Variants in GRIN2A observed in about 807,000 individuals in gnomAD.
The protein encoded by GRIN2A is glutamate ionotropic receptor NMDA type subunit 2A.
GRIN2A carries 22 observed loss-of-function variants against 113.4 expected under a neutral mutation model. The ratio of observed to expected loss-of-function variants is 0.19; its 90% confidence interval spans 0.14 to 0.28. The LOEUF (loss-of-function observed/expected upper bound fraction) is 0.28, where lower values mean the gene tolerates loss of function less well. Among genes scored for constraint, GRIN2A ranks in the 10% least tolerant of loss-of-function variants. The probability of loss-of-function intolerance (pLI) is 1.00; values close to 1 mark genes in which losing one functional copy is unlikely to be tolerated. For synonymous variants in GRIN2A, 827 were observed against 738.4 expected (o/e 1.12, Z -1.94); for missense variants, 1,502 against 1,887.0 (o/e 0.80, Z 3.78).
intron 4 of GRIN2A, among the ~76,000 whole-genome samples, chr16:9,884,842 T>G (rs1415012415): frequency 6.7e-6 from 1 of 150,362 alleles, no homozygotes; most frequent in Non-Finnish European, 1.5e-5. Flanking sequence ...CTCCGCCTCC[T>G]GGGTTCACGC....
chr16:10,029,921 C>A (rs1194316170), intron 2 of GRIN2A, among the ~76,000 whole-genome samples: 1 of 152,048 alleles, frequency 6.6e-6, no homozygotes, highest in African/African-American at 2.4e-5. Context: ...TGCTTGAACC[C>A]GGGAGGCAGA....
chr16:10,145,765 G>T, intron 2 of GRIN2A, among the ~76,000 whole-genome samples: 1 of 152,166 alleles, frequency 6.6e-6, no homozygotes, highest in East Asian at 1.9e-4. Context: ...GCTTAACTCC[G>T]CTGTTGTAAT....
chr16:10,043,296 G>A (rs2047198096), intron 2 of GRIN2A, among the ~76,000 whole-genome samples: 1 of 152,276 alleles, frequency 6.6e-6, no homozygotes, highest in South Asian at 2.1e-4. Flanking sequence ...ATTCAGTACA[G>A]GCCTTTGAAC....
intron 2 of GRIN2A, among the ~76,000 whole-genome samples, chr16:10,085,471 T>A (rs1383179156): frequency 6.6e-6 from 1 of 152,204 alleles, no homozygotes; most frequent in Non-Finnish European, 1.5e-5. Flanking sequence ...TGGCCCCATG[T>A]GTCAAAAGGT....
chr16:9,976,696 C>A (rs565467674), intron 2 of GRIN2A, among the ~76,000 whole-genome samples: 2 of 152,304 alleles, frequency 1.3e-5, no homozygotes, highest in East Asian at 1.9e-4. Context: ...AGCCGGCACT[C>A]TAATTCCAGT....
At chr16:9,902,004 A>G (rs2043937970) in intron 3 of GRIN2A, among the ~76,000 whole-genome samples, 1 of 152,114 alleles carries the variant, frequency 6.6e-6, no homozygotes, top group African/African-American at 2.4e-5. Flanking sequence ...ATTCTCACCC[A>G]AAGAACTAAG....
intron 2 of GRIN2A, among the ~76,000 whole-genome samples, chr16:10,043,912 T>TAC (rs1249479402): frequency 6.6e-6 from 1 of 151,360 alleles, no homozygotes; most frequent in Non-Finnish European, 1.5e-5. Flanking sequence ...CACATATATA[T>TAC]ACACGTATAA....
intron 8 of GRIN2A, among the ~76,000 whole-genome samples, chr16:9,832,907 A>G (rs957447401): frequency 1.3e-5 from 2 of 152,244 alleles, no homozygotes; most frequent in African/African-American, 2.4e-5. Flanking sequence ...AAAGATTTCA[A>G]TAAAACTAGG....
At chr16:10,145,278 C>T (rs2049416444) in intron 2 of GRIN2A, among the ~76,000 whole-genome samples, 2 of 152,152 alleles carry the variant, frequency 1.3e-5, no homozygotes, top group Admixed American at 1.3e-4. Context: ...AGTTAACAAA[C>T]TGTATTCTGC....
At chr16:10,167,781 A>C (rs1306416872) in intron 2 of GRIN2A, among the ~76,000 whole-genome samples, 1 of 152,220 alleles carries the variant, frequency 6.6e-6, no homozygotes, top group African/African-American at 2.4e-5. Context: ...AAAGTTCCAA[A>C]ATTTGAACAG....
rs35146827 is a variant in GRIN2A at position 9,839,376 on chromosome 16, T to TAA, written c.1651+1269_1651+1270dup. Among the ~76,000 whole-genome samples the TAA allele has an allele frequency of 1.7e-4, 25 of 145,056 alleles. No homozygotes were observed. The East Asian group carries it at 1.8e-3, about 10-fold the overall frequency. On this transcript the variant is annotated intron_variant, in intron 7 of 12. Transcript: ENST00000330684. ...TAGAAAACATAGCTCTTCCTTGATTTAAAAAAAAAAAACACCTTTTATGTA... is the reference window on the plus strand; with the variant it reads ...TAGAAAACATAGCTCTTCCTTGATTTAAAAAAAAAAAAAACACCTTTTATGTA...
At chr16:9,940,770 C>G (rs1286218057) in intron 2 of GRIN2A, among the ~76,000 whole-genome samples, 2 of 152,162 alleles carry the variant, frequency 1.3e-5, no homozygotes, top group Non-Finnish European at 2.9e-5. Flanking sequence ...CCCAACCATC[C>G]AATACCCAAC....
intron 2 of GRIN2A, among the ~76,000 whole-genome samples, chr16:10,151,406 G>T (rs2049568393): frequency 6.6e-6 from 1 of 152,172 alleles, no homozygotes; most frequent in Non-Finnish European, 1.5e-5. Context: ...GTAACAACTT[G>T]CACCAAGGCA....
intron 2 of GRIN2A, among the ~76,000 whole-genome samples, chr16:10,081,231 G>C (rs1266900958): frequency 6.6e-6 from 1 of 152,224 alleles, no homozygotes; most frequent in African/African-American, 2.4e-5. Context: ...CAGCCAGCTA[G>C]GATGGAGTGG....
chr16:10,007,586 C>A (rs998200541), intron 2 of GRIN2A, among the ~76,000 whole-genome samples: 1 of 152,154 alleles, frequency 6.6e-6, no homozygotes, highest in African/African-American at 2.4e-5. Context: ...TGGGTTGTCT[C>A]TTCGCTTTCT....
chr16:10,114,883 G>C (rs1029570955), intron 2 of GRIN2A, among the ~76,000 whole-genome samples: 1 of 152,186 alleles, frequency 6.6e-6, no homozygotes, highest in Non-Finnish European at 1.5e-5. Context: ...TTTTTGTTTA[G>C]ATATTTTCTA....
chr16:10,031,497 C>T (rs187761560), intron 2 of GRIN2A: 2 of 152,382 alleles, frequency 1.3e-5, no homozygotes, highest in African/African-American at 2.4e-5. Context: ...TATACAGAAA[C>T]GTCATCTCTC....
chr16:9,848,440 T>C (rs759472141), intron 5 of GRIN2A, among the ~76,000 whole-genome samples: 50 of 150,936 alleles, frequency 3.3e-4, no homozygotes, highest in Non-Finnish European at 6.2e-4. Flanking sequence ...GGTCTTCAAC[T>C]CCTGACCTCA....
chr16:9,850,831 G>C (rs921821579), intron 4 of GRIN2A, among the ~76,000 whole-genome samples: 5 of 152,134 alleles, frequency 3.3e-5, no homozygotes, highest in African/African-American at 4.8e-5. Flanking sequence ...CAAATTGAAG[G>C]CTGTATATTT....
Sources: gnomAD v4.1 joint callset for allele counts (sites outside exome capture counted in the v4.1 genomes callset) on GRCh38, gnomAD v4.1.1 for gene constraint, MANE v1.5 for transcripts, NCBI Gene and HGNC (gene_info 2026-07-23, HGNC 2026-07-21) for gene names.